The following MYO16 variants were observed in gnomAD, a reference collection of about 807,000 sequenced individuals.
MYO16 encodes unconventional myosin-XVI.
In MYO16, 94 loss-of-function variants were observed where a neutral mutation model predicts 205.3. The observed-to-expected ratio is 0.46, with a 90% CI of 0.39 to 0.54. The LOEUF (loss-of-function observed/expected upper bound fraction) is 0.54, where lower values mean the gene tolerates loss of function less well. Among genes scored for constraint, MYO16 ranks in the 20% least tolerant of loss-of-function variants. MYO16 has a pLI of 0.00. For missense variants in MYO16, 2,315 were observed against 2,387.5 expected, an observed-to-expected ratio of 0.97 and a Z score of 0.63; for synonymous variants, 988 against 954.0, an observed-to-expected ratio of 1.04 and a Z score of -0.66.
chr13:108,789,947 C>T (rs995571348), intron 5 of MYO16, among the ~76,000 whole-genome samples: 7 of 152,106 alleles, frequency 4.6e-5, no homozygotes, highest in African/African-American at 1.7e-4. Flanking sequence ...ATATGATTTT[C>T]CTTACAAGTA....
In MYO16 at chr13:109,052,396, A is replaced by G. The variant is rs371990947; in HGVS notation, c.2969A>G (p.His990Arg). The change falls in exon 25 of 35, where the codon CAT becomes CGT. Residue 990 changes from histidine to arginine, a missense_variant. Coordinates refer to ENST00000457511, the MANE Select transcript of MYO16 (RefSeq NM_001198950.3). ...TATCCTTCCTTTAAATTCCGAGGAC[A>G]TAAGTCTGCCCTGCTCAGTAAGAAA... ...SAYPSFKFRG[H>R]KSALLSKKMT... The G allele has an allele frequency of 1.5e-5, 24 of 1,612,672 alleles. No homozygotes were observed. In the East Asian group the frequency reaches 1.6e-4, roughly 10 times the overall value.
At chr13:108,923,993 A>G (rs1881865061) in intron 16 of MYO16, among the ~76,000 whole-genome samples, 1 of 152,152 alleles carries the variant, frequency 6.6e-6, no homozygotes. Context: ...TCTTTTTACT[A>G]TTGAACTCTT....
At chr13:108,882,904 G>C (rs989353713) in intron 12 of MYO16, among the ~76,000 whole-genome samples, 155 bp from the exon 13 acceptor site, 1 of 152,212 alleles carries the variant, frequency 6.6e-6, no homozygotes, top group Non-Finnish European at 1.5e-5. Flanking sequence ...GCTGAGAAGG[G>C]TGTAATTTTA....
chr13:108,497,159 A>T, the MYO16 span, among the ~76,000 whole-genome samples: 1 of 152,212 alleles, frequency 6.6e-6, no homozygotes, highest in Non-Finnish European at 1.5e-5. Flanking sequence ...TCCTGAGATC[A>T]AAGCCACATG....
the MYO16 span, among the ~76,000 whole-genome samples, chr13:108,558,579 G>T: frequency 6.6e-6 from 1 of 152,218 alleles, no homozygotes; most frequent in South Asian, 2.1e-4. Flanking sequence ...TGAGGCCTTT[G>T]CTGTCTCGCA....
At chr13:108,557,736 GA>G in the MYO16 span, among the ~76,000 whole-genome samples, 1 of 152,044 alleles carries the variant, frequency 6.6e-6, no homozygotes, top group Non-Finnish European at 1.5e-5. Context: ...TATAATGAAT[GA>G]AAAGAGGTCA....
intron 33 of MYO16, among the ~76,000 whole-genome samples, chr13:109,176,847 G>A (rs928486405): frequency 4.6e-5 from 7 of 150,612 alleles, no homozygotes; most frequent in Non-Finnish European, 8.8e-5. Context: ...ACCTGCATGC[G>A]ACCACCTGCC....
intron 27 of MYO16, among the ~76,000 whole-genome samples, chr13:109,088,170 A>G (rs539553098): frequency 1.6e-3 from 244 of 152,292 alleles, no homozygotes; most frequent in African/African-American, 5.4e-3. Context: ...TTTAAATTCA[A>G]TGTCCCCTTT....
In MYO16 at chr13:109,125,131, A is replaced by T; in HGVS notation, c.3555A>T (p.Ala1185=). The T allele has an allele frequency of 6.2e-7, 1 of 1,614,020 alleles. No individual in the cohort carries two copies. The highest frequency in any genetic ancestry group is 8.5e-7 in the Non-Finnish European group (1 of 1,179,996). ...TCQKVIRGFL[A]RQHLLQRISI... is the part of the protein sequence containing the mutation. ...TAAAAGTTATCAGAGGATTTTTAGC[A>T]CGCCAGCACCTGCTTCAGAGAATAA... is the stretch of plus-strand genomic sequence containing the variant. The change falls in exon 30 of 35, where the codon GCA becomes GCT. Residue 1185 remains alanine, a synonymous_variant. Transcript: ENST00000457511. This position sits in a 1 kb window ranked among gnomAD's most constrained non-coding sequence, Gnocchi z 4.0.
chr13:108,781,141 A>G (rs1344700608), intron 4 of MYO16, among the ~76,000 whole-genome samples: 1 of 152,244 alleles, frequency 6.6e-6, no homozygotes, highest in African/African-American at 2.4e-5. Flanking sequence ...TCGCATATAT[A>G]GTATTTCACT....
Position 108,888,299 on chromosome 13 carries a change from TCAAAGGAA to T in MYO16, c.1554-61_1554-54del, listed in dbSNP as rs565347747. ...TTTTACTTGTTCCTTCAAAGTAGTT[TCAAAGGAA>T]CAAAGGAACAAGCTTTGAAGCAAAG... is the stretch of plus-strand genomic sequence containing the variant. On this transcript the variant is annotated intron_variant, in intron 13 of 34. Coordinates refer to ENST00000457511, the MANE Select transcript of MYO16 (RefSeq NM_001198950.3). 286 of 1,069,956 alleles carry T rather than the reference TCAAAGGAA, an allele frequency of 2.7e-4. No individual in the cohort carries two copies. In the African/African-American group the frequency reaches 4.1e-3, roughly 15 times the overall value. The allele number at this position is 1,069,956 out of a possible 1,614,324, so 66.3% of individuals were successfully genotyped here.
intron 1 of MYO16, among the ~76,000 whole-genome samples, chr13:108,646,998 G>A (rs1194706480): frequency 1.3e-5 from 2 of 152,016 alleles, no homozygotes; most frequent in Non-Finnish European, 2.9e-5. Flanking sequence ...CATATGAATT[G>A]ATAATTGATA....
chr13:109,000,017 GA>G (rs1329180364), intron 21 of MYO16, among the ~76,000 whole-genome samples: 2 of 152,078 alleles, frequency 1.3e-5, no homozygotes, highest in African/African-American at 4.8e-5. Context: ...TTTCATAATG[GA>G]GGTGTATCTT....
intron 16 of MYO16, among the ~76,000 whole-genome samples, chr13:108,932,005 A>G (rs922053393): frequency 6.6e-6 from 1 of 151,496 alleles, no homozygotes; most frequent in African/African-American, 2.4e-5. Flanking sequence ...TACATTTTCC[A>G]TTTCTGTATC....
At chr13:108,572,001 C>T in the MYO16 span, among the ~76,000 whole-genome samples, 12 of 151,876 alleles carry the variant, frequency 7.9e-5, no homozygotes, top group Non-Finnish European at 8.8e-5. Context: ...CTCACTGCAG[C>T]CTTGACCTCC....
At chr13:108,498,936 G>A in the MYO16 span, among the ~76,000 whole-genome samples, 1 of 152,180 alleles carries the variant, frequency 6.6e-6, no homozygotes, top group African/African-American at 2.4e-5. Flanking sequence ...CCTTCTCACA[G>A]ATGTCCCCAG....
At chr13:108,532,686 G>A in the MYO16 span, among the ~76,000 whole-genome samples, 1 of 151,984 alleles carries the variant, frequency 6.6e-6, no homozygotes, top group Non-Finnish European at 1.5e-5. Context: ...AGCTACTTAG[G>A]AGGCTGGGGC....
rs1002505094 is a variant in MYO16 at position 109,125,783 on chromosome 13, T to C, written c.3782+425T>C. On this transcript the variant is annotated intron_variant, in intron 30 of 34. Coordinates refer to ENST00000457511, the MANE Select transcript of MYO16 (RefSeq NM_001198950.3). The surrounding 1 kb of genome is among the most constrained non-coding windows in gnomAD (Gnocchi z 4.0). ...AAATGGAGATACCACTCTGAAAACATGGAAGAAGTGAACTCAATAGATAGA... is the reference window on the plus strand; with the variant it reads ...AAATGGAGATACCACTCTGAAAACACGGAAGAAGTGAACTCAATAGATAGA... 1.4e-4 allele frequency among the ~76,000 whole-genome samples: 21 copies of C among 152,172 alleles called. No homozygotes were observed. Among genetic ancestry groups the C allele is most frequent in the Admixed American group, 3.3e-4 (5 of 15,282 alleles).
chr13:109,104,302 T>C (rs1217854342), intron 28 of MYO16, among the ~76,000 whole-genome samples: 3 of 152,234 alleles, frequency 2.0e-5, no homozygotes, highest in African/African-American at 7.2e-5. Context: ...AAGGCACTTA[T>C]ACCGTTTATT....
Sources: allele counts gnomAD v4.1 joint callset (sites outside exome capture counted in the v4.1 genomes callset), GRCh38; gene constraint gnomAD v4.1.1; non-coding constraint Gnocchi (gnomAD v3.1); transcripts MANE v1.5; gene names NCBI Gene and HGNC (gene_info 2026-07-23, HGNC 2026-07-21).